The following PRKG1 variants were observed in gnomAD, a reference collection of about 807,000 sequenced individuals.
The protein encoded by PRKG1 is protein kinase cGMP-dependent 1, also known as cGMP-dependent protein kinase 1.
PRKG1 carries 35 observed loss-of-function variants against 88.1 expected under a neutral mutation model. That is an observed-to-expected ratio of 0.40 (90% CI 0.30 to 0.53). The LOEUF (loss-of-function observed/expected upper bound fraction) is 0.53. Ranked by LOEUF, PRKG1 falls within the 20% of genes least tolerant of loss-of-function variation. The probability of loss-of-function intolerance (pLI) is 0.59; values close to 1 mark genes in which losing one functional copy is unlikely to be tolerated. For synonymous variants in PRKG1, 303 were observed against 292.5 expected (o/e 1.04, Z -0.37); for missense variants, 540 against 839.8 (o/e 0.64, Z 4.41).
At chr10:51,215,857 A>C (rs546378480) in intron 2 of PRKG1, among the ~76,000 whole-genome samples, 1 of 152,338 alleles carries the variant, frequency 6.6e-6, no homozygotes, top group Non-Finnish European at 1.5e-5. Flanking sequence ...TATGTAGAAA[A>C]CCTAAAGCAG....
At chr10:51,276,997 T>C (rs1165233278) in intron 2 of PRKG1, among the ~76,000 whole-genome samples, 3 of 152,220 alleles carry the variant, frequency 2.0e-5, no homozygotes, top group African/African-American at 2.4e-5. Flanking sequence ...TGGCTTTTGT[T>C]GCCATTGCTT....
chr10:52,145,532 ATG>A (rs1475762548), intron 8 of PRKG1, among the ~76,000 whole-genome samples: 2 of 152,194 alleles, frequency 1.3e-5, no homozygotes, highest in Non-Finnish European at 2.9e-5. Flanking sequence ...AGACGTTATA[ATG>A]CTTCTTGTGT....
At chr10:52,111,138 C>A (rs1847554064) in intron 7 of PRKG1, among the ~76,000 whole-genome samples, 1 of 152,130 alleles carries the variant, frequency 6.6e-6, no homozygotes, top group African/African-American at 2.4e-5. Flanking sequence ...GGATCCAGAA[C>A]AGAGTATGTT....
At chr10:52,083,706 G>T (rs1846837882) in intron 7 of PRKG1, among the ~76,000 whole-genome samples, 1 of 151,956 alleles carries the variant, frequency 6.6e-6, no homozygotes, top group African/African-American at 2.4e-5. Flanking sequence ...TTTTTTCAGT[G>T]GCTGCACATA....
intron 5 of PRKG1, among the ~76,000 whole-genome samples, chr10:51,960,034 A>G (rs529902569): frequency 6.6e-6 from 1 of 152,214 alleles, no homozygotes; most frequent in South Asian, 2.1e-4. Context: ...AGGATCCATT[A>G]CAGTGTTCTA....
intron 2 of PRKG1, among the ~76,000 whole-genome samples, chr10:51,193,350 G>T (rs1837678576): frequency 6.6e-6 from 1 of 152,112 alleles, no homozygotes; most frequent in Non-Finnish European, 1.5e-5. Context: ...CTGATTCAGA[G>T]TCAAGAGTAG....
intron 3 of PRKG1, among the ~76,000 whole-genome samples, chr10:51,530,249 G>C (rs974944966): frequency 6.6e-6 from 1 of 152,110 alleles, no homozygotes; most frequent in African/African-American, 2.4e-5. Flanking sequence ...AGGTTTCCCA[G>C]ATGTTTGCAA....
At chr10:51,718,511 G>T (rs1841938090) in intron 3 of PRKG1, among the ~76,000 whole-genome samples, 1 of 152,052 alleles carries the variant, frequency 6.6e-6, no homozygotes, top group African/African-American at 2.4e-5. Context: ...TCTTCTAAAG[G>T]GTAGCCATTG....
At chr10:52,213,651 TC>T (rs1348003540) in intron 9 of PRKG1, among the ~76,000 whole-genome samples, 3 of 152,140 alleles carry the variant, frequency 2.0e-5, no homozygotes, top group Non-Finnish European at 2.9e-5. Flanking sequence ...AGTAGAGCCA[TC>T]CGGCTTCCAG....
intron 3 of PRKG1, among the ~76,000 whole-genome samples, chr10:51,598,785 G>A (rs1838523402): frequency 6.6e-6 from 1 of 152,154 alleles, no homozygotes; most frequent in African/African-American, 2.4e-5. Flanking sequence ...TAAAAGGAGA[G>A]GTAGATATTG....
chr10:51,888,242 CAG>C (rs1483125342), intron 4 of PRKG1, among the ~76,000 whole-genome samples: 3 of 152,146 alleles, frequency 2.0e-5, no homozygotes, highest in East Asian at 1.9e-4. Flanking sequence ...AAACTGAAGT[CAG>C]GGGAATGTTG....
At chr10:51,905,733 A>G (rs569210344) in intron 4 of PRKG1, among the ~76,000 whole-genome samples, 1 of 152,176 alleles carries the variant, frequency 6.6e-6, no homozygotes, top group Non-Finnish European at 1.5e-5. Flanking sequence ...AAAGAAGGGA[A>G]CTAACATTGT....
chr10:51,207,804 G>A (rs537718876), intron 2 of PRKG1, among the ~76,000 whole-genome samples: 1 of 152,192 alleles, frequency 6.6e-6, no homozygotes, highest in East Asian at 1.9e-4. Flanking sequence ...TCTACTACTT[G>A]GTTGTTTTCA....
chr10:52,131,270 A>G (rs1837250177), intron 7 of PRKG1, among the ~76,000 whole-genome samples: 1 of 152,140 alleles, frequency 6.6e-6, no homozygotes. Context: ...GGTTTAGTGG[A>G]AGGAAGACAG....
At chr10:51,427,582 T>A (rs1176460022) in intron 2 of PRKG1, among the ~76,000 whole-genome samples, 1 of 152,194 alleles carries the variant, frequency 6.6e-6, no homozygotes, top group East Asian at 1.9e-4. Flanking sequence ...GATAGGGGAT[T>A]CATTGGCAAG....
At chr10:52,140,823 G>T (rs1837559466) in intron 8 of PRKG1, among the ~76,000 whole-genome samples, 1 of 151,882 alleles carries the variant, frequency 6.6e-6, no homozygotes, top group Non-Finnish European at 1.5e-5. Flanking sequence ...ATGGTGATTT[G>T]CCCACCGAGG....
chr10:51,903,807 A>G (rs1354669600), intron 4 of PRKG1, among the ~76,000 whole-genome samples: 2 of 152,130 alleles, frequency 1.3e-5, no homozygotes, highest in Non-Finnish European at 2.9e-5. Flanking sequence ...GTAAGCAATC[A>G]ACTCCACCAT....
intron 4 of PRKG1, among the ~76,000 whole-genome samples, chr10:51,844,696 T>C (rs2132787121): frequency 6.6e-6 from 1 of 152,286 alleles, no homozygotes; most frequent in South Asian, 2.1e-4. Flanking sequence ...CAAACTTTGA[T>C]AAAAATTCTG....
chr10:51,350,572 T>C (rs1272781356), intron 2 of PRKG1, among the ~76,000 whole-genome samples: 1 of 152,148 alleles, frequency 6.6e-6, no homozygotes, highest in Non-Finnish European at 1.5e-5. Flanking sequence ...CTGGAAGTCT[T>C]AGCGAGAGAG....
Sources: gnomAD v4.1 joint callset for allele counts (sites outside exome capture counted in the v4.1 genomes callset) on GRCh38, gnomAD v4.1.1 for gene constraint, MANE v1.5 for transcripts, NCBI Gene and HGNC (gene_info 2026-07-23, HGNC 2026-07-21) for gene names.